MINDY4: variants seen among roughly 807,000 people sequenced by gnomAD.
MINDY4 encodes the protein MINDY lysine 48 deubiquitinase 4.
Under a neutral mutation model 87.0 loss-of-function variants are expected in MINDY4, and 68 were observed. The ratio of observed to expected loss-of-function variants is 0.78; its 90% CI spans 0.64 to 0.96. The LOEUF (loss-of-function observed/expected upper bound fraction) is 0.96. Ranked by LOEUF, MINDY4 falls within the 40% of genes least tolerant of loss-of-function variation. The probability of loss-of-function intolerance (pLI) is 0.00; values close to 1 mark genes in which losing one functional copy is unlikely to be tolerated. For synonymous variants in MINDY4, 379 were observed against 363.2 expected, an observed-to-expected ratio of 1.04 and a Z score of -0.50; for missense variants, 919 against 928.2, an observed-to-expected ratio of 0.99 and a Z score of 0.13.
chr7:30,786,076 G>A (rs765640812), intron 4 of MINDY4, 84 bp downstream of exon 4: 3 of 1,561,220 alleles, frequency 1.9e-6, no homozygotes, highest in South Asian at 1.2e-5. Context: ...TTTATTTGGG[G>A]TACCCCACAG....
rs556911539 is a variant in MINDY4, at chr7:30,836,373, G to T, written c.1133-285G>T. On this transcript the variant is annotated intron_variant, in intron 6 of 17. Transcript: ENST00000265299. Reference sequence around the variant, plus strand: ...TTGTTCCACTCTATGTCCATGCGTGGAACTTTCTAGTGGACCAGTAGCTAA... The same window carrying T: ...TTGTTCCACTCTATGTCCATGCGTGTAACTTTCTAGTGGACCAGTAGCTAA... Among the ~76,000 whole-genome samples the T allele has an allele frequency of 2.6e-5, 4 of 152,280 alleles. No homozygotes were observed. The South Asian group carries it at 8.3e-4, about 32-fold the overall frequency.
intron 5 of MINDY4, among the ~76,000 whole-genome samples, chr7:30,800,823 T>C (rs1787626269): frequency 1.3e-5 from 2 of 152,188 alleles, no homozygotes; most frequent in African/African-American, 2.4e-5. Flanking sequence ...TGCCTTTGCA[T>C]TGAAACACTC....
chr7:30,826,296 C>T (rs952345285), intron 5 of MINDY4, among the ~76,000 whole-genome samples: 6 of 152,280 alleles, frequency 3.9e-5, no homozygotes, highest in South Asian at 2.1e-4. Flanking sequence ...GTTCATTTTA[C>T]GTATCTGTGT....
intron 7 of MINDY4, 126 bp downstream of exon 7, chr7:30,836,890 T>C (rs1788873758): frequency 1.4e-6 from 1 of 721,608 alleles, no homozygotes; most frequent in Non-Finnish European, 2.3e-6. Context: ...AATGGAAATT[T>C]GGGTGTGATG....
intron 5 of MINDY4, among the ~76,000 whole-genome samples, chr7:30,811,967 G>T (rs111373260): frequency 5.8e-4 from 89 of 152,268 alleles, no homozygotes; most frequent in African/African-American, 2.1e-3. Context: ...TTTGTCTGTG[G>T]CTTGTCCTGC....
At chr7:30,870,098 T>G (rs1790055733) in intron 13 of MINDY4, among the ~76,000 whole-genome samples, 1 of 152,212 alleles carries the variant, frequency 6.6e-6, no homozygotes, top group South Asian at 2.1e-4. Flanking sequence ...CCTTTTAAGA[T>G]CTCAGTGCAC....
chr7:30,870,056 G>A (rs1458208298), intron 13 of MINDY4, among the ~76,000 whole-genome samples: 3 of 152,034 alleles, frequency 2.0e-5, no homozygotes, highest in Admixed American at 6.5e-5. Flanking sequence ...TCTCTCTCTC[G>A]AATGCCCTGA....
At chr7:30,823,647 T>C (rs376530943) in intron 5 of MINDY4, among the ~76,000 whole-genome samples, 3 of 152,238 alleles carry the variant, frequency 2.0e-5, no homozygotes, top group African/African-American at 7.2e-5. Flanking sequence ...TTCCTGTTTT[T>C]AAAAAGTTTC....
At chr7:30,848,079 C>T (rs1789281644) in intron 9 of MINDY4, among the ~76,000 whole-genome samples, 1 of 152,218 alleles carries the variant, frequency 6.6e-6, no homozygotes, top group Non-Finnish European at 1.5e-5. Context: ...TGAGAAGCTT[C>T]CAACTGAGAA....
chr7:30,797,960 A>G (rs1027291471), intron 5 of MINDY4, among the ~76,000 whole-genome samples: 1 of 152,190 alleles, frequency 6.6e-6, no homozygotes, highest in Non-Finnish European at 1.5e-5. Context: ...TCAGAAGCGC[A>G]TCCACATCTG....
intron 5 of MINDY4, among the ~76,000 whole-genome samples, chr7:30,814,007 C>T (rs1386033301): frequency 6.6e-6 from 1 of 152,042 alleles, no homozygotes; most frequent in Non-Finnish European, 1.5e-5. Context: ...AGTCTCTGTG[C>T]CCAAGGAGAC....
At chr7:30,862,925 T>C (rs945017834) in intron 13 of MINDY4, among the ~76,000 whole-genome samples, 7 of 152,172 alleles carry the variant, frequency 4.6e-5, no homozygotes, top group Admixed American at 3.3e-4. Context: ...TCAAGCTCAC[T>C]GTGTGAAGCA....
chr7:30,850,622 G>T (rs1164176449), intron 10 of MINDY4, 67 bp downstream of exon 10: 2 of 1,406,470 alleles, frequency 1.4e-6, no homozygotes, highest in Non-Finnish European at 2.0e-6. Flanking sequence ...CAAGCTGGCT[G>T]TGTATGCTCC....
chr7:30,842,899 C>T (rs1246225949), intron 9 of MINDY4, among the ~76,000 whole-genome samples: 1 of 152,238 alleles, frequency 6.6e-6, no homozygotes, highest in African/African-American at 2.4e-5. Flanking sequence ...GCTGGCTCCT[C>T]TCATTGCACA....
At chr7:30,794,845 G>GTC (rs946803324) in intron 5 of MINDY4, among the ~76,000 whole-genome samples, 5 of 151,990 alleles carry the variant, frequency 3.3e-5, no homozygotes, top group African/African-American at 9.7e-5. Flanking sequence ...TCTAACCCTC[G>GTC]TCTCTCTCTC....
intron 15 of MINDY4, among the ~76,000 whole-genome samples, chr7:30,877,033 A>G (rs1307493616): frequency 6.6e-6 from 1 of 151,882 alleles, no homozygotes; most frequent in African/African-American, 2.4e-5. Flanking sequence ...TCTGGATGAT[A>G]CCCCCAGCAT....
intron 13 of MINDY4, among the ~76,000 whole-genome samples, chr7:30,864,916 T>G (rs1174502060): frequency 6.6e-6 from 1 of 152,182 alleles, no homozygotes; most frequent in African/African-American, 2.4e-5. Flanking sequence ...AGAGACCCTC[T>G]GGGGGGAATC....
At chr7:30,820,714 A>C (rs1788302466) in intron 5 of MINDY4, among the ~76,000 whole-genome samples, 1 of 152,222 alleles carries the variant, frequency 6.6e-6, no homozygotes, top group Non-Finnish European at 1.5e-5. Context: ...TTGTATGGAT[A>C]TATAACATTT....
intron 1 of MINDY4, among the ~76,000 whole-genome samples, chr7:30,774,014 C>G (rs1398445910): frequency 1.3e-5 from 2 of 152,200 alleles, no homozygotes; most frequent in Admixed American, 6.5e-5. Flanking sequence ...GCCCATAGAG[C>G]TGAATGAGAT....
Sources: allele counts gnomAD v4.1 joint callset (sites outside exome capture counted in the v4.1 genomes callset), GRCh38; gene constraint gnomAD v4.1.1; transcripts MANE v1.5; gene names NCBI Gene and HGNC (gene_info 2026-07-23, HGNC 2026-07-21).